Variants in PCDH19 observed in about 807,000 individuals in gnomAD.
The protein encoded by PCDH19 is protocadherin-19.
PCDH19 carries 6 observed loss-of-function variants against 46.2 expected under a neutral mutation model. The observed-to-expected ratio is 0.13, with a 90% confidence interval of 0.07 to 0.26. PCDH19 has a LOEUF of 0.26. PCDH19 is among the 10% of genes least tolerant of loss of function. PCDH19 has a pLI of 1.00. For synonymous variants in PCDH19, 481 were observed against 415.7 expected (o/e 1.16, Z -1.91); for missense variants, 740 against 972.3 (o/e 0.76, Z 3.18).
chrX:100,395,419 A>G (rs17282303), intron 3 of PCDH19, among the ~76,000 whole-genome samples: 4,250 of 112,105 alleles, frequency 0.038, 230 homozygotes, highest in East Asian at 0.25. Context: ...TCGAAAGTAT[A>G]CCCGCAGGTC....
rs752198085 is a variant in PCDH19 at position 100,374,665 on chromosome X, C to T, written c.2617-23961G>A. ...ATGAAATATGAAATATTTGGCCAAG[C>T]GCAGTGGCTCACGCCTGTAATCCCA... On this transcript the variant is annotated intron_variant, in intron 3 of 5. Transcript: ENST00000373034. 1.3e-4 allele frequency among the ~76,000 whole-genome samples: 15 copies of T among 112,146 alleles called. No individual in the cohort carries two copies. In the South Asian group the frequency reaches 3.3e-3, roughly 25 times the overall value.
At chrX:100,376,535 C>G (rs916812616) in intron 3 of PCDH19, among the ~76,000 whole-genome samples, 6 of 111,828 alleles carry the variant, frequency 5.4e-5, no homozygotes, top group Non-Finnish European at 1.1e-4. Context: ...AAACTATTTT[C>G]TTTTTAAATC....
chrX:100,315,491 C>T (rs865856360), intron 5 of PCDH19, among the ~76,000 whole-genome samples: 2 of 112,286 alleles, frequency 1.8e-5, no homozygotes, highest in Non-Finnish European at 1.9e-5. Context: ...TCAGCCAAAA[C>T]CTAGAGAAGT....
intron 3 of PCDH19, among the ~76,000 whole-genome samples, chrX:100,360,938 C>T (rs754373209): frequency 1.3e-4 from 15 of 111,847 alleles, no homozygotes; most frequent in Admixed American, 1.9e-4. Context: ...TCTCCCAAAT[C>T]CTCACAGTGC....
intron 3 of PCDH19, among the ~76,000 whole-genome samples, chrX:100,360,767 T>C (rs994327996): frequency 8.9e-6 from 1 of 112,076 alleles, no homozygotes. Context: ...CTCCAGTTTC[T>C]AGCAACTTAA....
At chrX:100,374,948 G>A (rs200955808) in intron 3 of PCDH19, among the ~76,000 whole-genome samples, 6 of 105,453 alleles carry the variant, frequency 5.7e-5, no homozygotes, top group African/African-American at 1.4e-4. Flanking sequence ...CAAAAAAAAA[G>A]AAAAAAAAAT....
intron 5 of PCDH19, among the ~76,000 whole-genome samples, chrX:100,336,798 C>G (rs1375404207): frequency 9.0e-6 from 1 of 111,248 alleles, no homozygotes; most frequent in East Asian, 2.8e-4. Flanking sequence ...AATTTATAAT[C>G]AATAATTAAA....
rs892730757 is a variant in PCDH19, at chrX:100,409,071, G to C, written c.-474C>G. Reference sequence around the variant, plus strand: ...ACTGCCCGGCCCGCCGCGGTGCACCGGCACTGAGGCTGGCGAACTCGCTGT... The same window carrying C: ...ACTGCCCGGCCCGCCGCGGTGCACCCGCACTGAGGCTGGCGAACTCGCTGT... On this transcript the variant is annotated 5_prime_UTR_variant, in exon 1 of 6. Transcript: ENST00000373034. 3.5e-5 allele frequency: 4 copies of C among 113,034 alleles called. No homozygotes were observed. The highest frequency in any genetic ancestry group is 7.5e-5 in the Non-Finnish European group (4 of 53,270). The allele number at this position is 113,034 out of a possible 1,213,427, so 9.3% of individuals were successfully genotyped here.
At chrX:100,322,865 A>ATATATATATATATATTTTTT in intron 5 of PCDH19, among the ~76,000 whole-genome samples, 6 of 54,410 alleles carry the variant, frequency 1.1e-4, no homozygotes, top group African/African-American at 4.2e-4. Flanking sequence ...ATATATATAT[A>ATATATATATATATATTTTTT]TTTTTGCAGC....
intron 3 of PCDH19, among the ~76,000 whole-genome samples, chrX:100,352,734 C>G (rs6620871): frequency 6.3e-5 from 7 of 110,845 alleles, no homozygotes; most frequent in Admixed American, 5.8e-4. Flanking sequence ...GCCTACTCCC[C>G]CTTAACCTTC....
At chrX:100,333,023 AAAAAG>A (rs993067283) in intron 5 of PCDH19, among the ~76,000 whole-genome samples, 2 of 104,808 alleles carry the variant, frequency 1.9e-5, no homozygotes, top group East Asian at 3.0e-4. Flanking sequence ...GAAAGAAAGA[AAAAAG>A]AAAAGAAAAG....
intron 5 of PCDH19, among the ~76,000 whole-genome samples, chrX:100,330,092 A>G (rs1022480092): frequency 8.9e-6 from 1 of 112,015 alleles, no homozygotes; most frequent in African/African-American, 3.2e-5. Flanking sequence ...TTTTTTTTCA[A>G]TAAGCTGATT....
In PCDH19 at chrX:100,322,972, G is replaced by A. The variant is rs916943386; in HGVS notation, c.2848+18931C>T. On this transcript the variant is annotated intron_variant, in intron 5 of 5. Coordinates refer to ENST00000373034, the MANE Select transcript of PCDH19 (RefSeq NM_001184880.2). ...ATTTGTGTAAATTAATCTTGTATCC[G>A]GAAACTTTGCTGAATTGAAAGAAAA... 1.3e-4 allele frequency among the ~76,000 whole-genome samples: 14 copies of A among 104,821 alleles called. No individual in the cohort carries two copies. In the South Asian group the frequency reaches 1.8e-3, roughly 13 times the overall value. 91.0% of individuals were successfully genotyped at this position (104,821 alleles called of 115,157 possible). A position where few individuals can be genotyped will look rare whatever the true frequency, so the allele number is the denominator to read the frequency against.
intron 3 of PCDH19, among the ~76,000 whole-genome samples, chrX:100,365,724 G>A (rs191394513): frequency 2.2e-3 from 240 of 111,326 alleles, no homozygotes; most frequent in Admixed American, 4.4e-3. Flanking sequence ...AAACGTGTGC[G>A]TGCACACACA....
intron 3 of PCDH19, among the ~76,000 whole-genome samples, chrX:100,365,278 C>T (rs1476436194): frequency 9.0e-6 from 1 of 110,970 alleles, no homozygotes; most frequent in Non-Finnish European, 1.9e-5. Flanking sequence ...TAGCCAATTA[C>T]TGGCAGAGTC....
chrX:100,338,314 C>T (rs1291108125), intron 5 of PCDH19, among the ~76,000 whole-genome samples: 1 of 96,486 alleles, frequency 1.0e-5, no homozygotes, highest in African/African-American at 3.9e-5. Context: ...TGCACTCCAG[C>T]CTGGGCGACA....
Position 100,294,894 on chromosome X carries a change from A to G in PCDH19, c.*1383T>C, listed in dbSNP as rs1924544402. On this transcript the variant is annotated 3_prime_UTR_variant, in exon 6 of 6. Transcript: ENST00000373034. ...AGGGTGTATTCCTAGCCTACAGCAA[A>G]AAGAGTTGGCTAAATCGAAAGGATT... is the stretch of plus-strand genomic sequence containing the variant. 8.9e-6 allele frequency: 1 copy of G among 112,592 alleles called. No individual in the cohort carries two copies. The highest frequency in any genetic ancestry group is 3.2e-5 in the African/African-American group (1 of 30,942). 9.3% of individuals were successfully genotyped at this position (112,592 alleles called of 1,213,427 possible).
chrX:100,403,256 T>C (rs1928246733), intron 2 of PCDH19, among the ~76,000 whole-genome samples: 1 of 110,876 alleles, frequency 9.0e-6, no homozygotes, highest in Admixed American at 9.5e-5. Context: ...AAAGAGGAGA[T>C]AGAGGAAAAT....
At chrX:100,349,409 C>T (rs1926506867) in intron 4 of PCDH19, among the ~76,000 whole-genome samples, 1 of 111,869 alleles carries the variant, frequency 8.9e-6, no homozygotes, top group African/African-American at 3.3e-5. Context: ...ACTGATAATA[C>T]AAGGGCTACC....
Sources: allele counts gnomAD v4.1 joint callset (sites outside exome capture counted in the v4.1 genomes callset), GRCh38; gene constraint gnomAD v4.1.1; transcripts MANE v1.5; gene names NCBI Gene and HGNC (gene_info 2026-07-23, HGNC 2026-07-21).